The following FAM135B variants were observed in gnomAD, a reference collection of about 807,000 sequenced individuals.
The protein encoded by FAM135B is family with sequence similarity 135 member B.
FAM135B carries 43 observed loss-of-function variants against 127.7 expected under a neutral mutation model. The observed-to-expected ratio is 0.34, with a 90% confidence interval of 0.26 to 0.43. The LOEUF is 0.43. Ranked by LOEUF, FAM135B falls within the 20% of genes least tolerant of loss-of-function variation. FAM135B has a pLI of 1.00. For missense variants in FAM135B, 1,558 were observed against 1,725.6 expected (o/e 0.90, Z 1.72); for synonymous variants, 670 against 665.1 (o/e 1.01, Z -0.11).
chr8:138,385,083 C>T (rs1012414215), intron 1 of FAM135B, among the ~76,000 whole-genome samples: 1 of 152,210 alleles, frequency 6.6e-6, no homozygotes, highest in Admixed American at 6.5e-5. Flanking sequence ...CTGCTCCTCA[C>T]TCCGTTTCCC....
intron 1 of FAM135B, chr8:138,477,355 C>T (rs1190994227): frequency 2.6e-5 from 4 of 152,204 alleles, no homozygotes; most frequent in Non-Finnish European, 4.4e-5. Context: ...CCTTCAAGCT[C>T]AGCCGCAGAG....
At chr8:138,398,016 G>A (rs1021268966) in intron 1 of FAM135B, among the ~76,000 whole-genome samples, 4 of 152,174 alleles carry the variant, frequency 2.6e-5, no homozygotes, top group Non-Finnish European at 5.9e-5. Flanking sequence ...CCAGGGCAGC[G>A]GGAGCTCTCC....
intron 1 of FAM135B, among the ~76,000 whole-genome samples, chr8:138,406,736 A>G (rs1223824117): frequency 6.6e-6 from 1 of 151,214 alleles, no homozygotes; most frequent in Non-Finnish European, 1.5e-5. Context: ...CTCTCAATAA[A>G]TTAGGTATTG....
At chr8:138,142,558 C>A (rs1307611674) in intron 16 of FAM135B, among the ~76,000 whole-genome samples, 1 of 152,016 alleles carries the variant, frequency 6.6e-6, no homozygotes, top group African/African-American at 2.4e-5. Flanking sequence ...CCCGCCTCAG[C>A]CTCCCAAAGT....
At chr8:138,342,882 C>A (rs185213390) in intron 2 of FAM135B, among the ~76,000 whole-genome samples, 9 of 152,150 alleles carry the variant, frequency 5.9e-5, no homozygotes, top group Non-Finnish European at 1.3e-4. Context: ...CTATGCATAC[C>A]CAAACACGTG....
At chr8:138,373,942 A>G (rs1277934165) in intron 1 of FAM135B, among the ~76,000 whole-genome samples, 1 of 152,070 alleles carries the variant, frequency 6.6e-6, no homozygotes, top group African/African-American at 2.4e-5. Context: ...TAGCAATTTT[A>G]ATTTCACCCC....
At chr8:138,461,997 A>G (rs1837150277) in intron 1 of FAM135B, among the ~76,000 whole-genome samples, 2 of 152,130 alleles carry the variant, frequency 1.3e-5, no homozygotes, top group Non-Finnish European at 2.9e-5. Context: ...ACTCAACTCT[A>G]TGACCAGCTG....
At chr8:138,163,463 T>G (rs1267557445) in intron 12 of FAM135B, among the ~76,000 whole-genome samples, 1 of 152,148 alleles carries the variant, frequency 6.6e-6, no homozygotes, top group Non-Finnish European at 1.5e-5. Context: ...GCAGCTCCCT[T>G]AATTCCCATA....
At chr8:138,162,872 T>A (rs574381537) in intron 12 of FAM135B, among the ~76,000 whole-genome samples, 1 of 152,250 alleles carries the variant, frequency 6.6e-6, no homozygotes, top group East Asian at 1.9e-4. Flanking sequence ...CTTGTATAAA[T>A]GAGTCATCTG....
rs189943117 is a variant in FAM135B, at chr8:138,243,527, G to T, written c.543-459C>A. On this transcript the variant is annotated intron_variant, in intron 6 of 19. Transcript: ENST00000395297. The surrounding 1 kb of genome is among the most constrained non-coding windows in gnomAD (Gnocchi z 7.5). ...CATAAAACATCTTCCTCCATGATCCGCATGAGAGTCTAATACGATGTCAAA... is the reference window on the plus strand; with the variant it reads ...CATAAAACATCTTCCTCCATGATCCTCATGAGAGTCTAATACGATGTCAAA... 6.6e-6 allele frequency among the ~76,000 whole-genome samples: 1 copy of T among 152,106 alleles called. No individual in the cohort carries two copies. The highest frequency in any genetic ancestry group is 2.4e-5 in the African/African-American group (1 of 41,410).
intron 1 of FAM135B, among the ~76,000 whole-genome samples, chr8:138,415,826 C>T (rs1335840759): frequency 6.6e-6 from 1 of 152,156 alleles, no homozygotes; most frequent in Non-Finnish European, 1.5e-5. Context: ...CTTCACATCC[C>T]CATAGGCCCA....
chr8:138,140,758 T>A (rs1383183228), intron 17 of FAM135B, among the ~76,000 whole-genome samples: 2 of 152,042 alleles, frequency 1.3e-5, no homozygotes, highest in Non-Finnish European at 2.9e-5. Flanking sequence ...CAAACACAGA[T>A]ACACACACAC....
chr8:138,198,876 A>G (rs1427844113), intron 7 of FAM135B, among the ~76,000 whole-genome samples: 1 of 152,196 alleles, frequency 6.6e-6, no homozygotes, highest in African/African-American at 2.4e-5. Flanking sequence ...AGGCCTGGGC[A>G]CAGAGATGGG....
rs575431663 is a variant in FAM135B at position 138,336,842 on chromosome 8, G to A, written c.78-25922C>T. On this transcript the variant is annotated intron_variant, in intron 2 of 19. Coordinates refer to ENST00000395297, the MANE Select transcript of FAM135B (RefSeq NM_015912.4). ...TAGACAAATATCCCTGATGAACATC[G>A]ATGCAAAAATCCTCAATAAAATACT... 5.3e-5 allele frequency among the ~76,000 whole-genome samples: 8 copies of A among 152,196 alleles called. No individual in the cohort carries two copies. In the South Asian group the frequency reaches 6.2e-4, roughly 12 times the overall value.
At chr8:138,315,079 T>C (rs1002463542) in intron 2 of FAM135B, among the ~76,000 whole-genome samples, 2 of 152,046 alleles carry the variant, frequency 1.3e-5, no homozygotes, top group Non-Finnish European at 2.9e-5. Flanking sequence ...AAGGGATTAG[T>C]ATTCAAAATG....
intron 3 of FAM135B, among the ~76,000 whole-genome samples, chr8:138,306,205 C>T (rs775028983): frequency 5.9e-5 from 9 of 152,024 alleles, no homozygotes; most frequent in East Asian, 1.9e-4. Flanking sequence ...GAGGCTGAGG[C>T]GGGCAGATCA....
At chr8:138,381,875 G>A (rs1050806135) in intron 1 of FAM135B, among the ~76,000 whole-genome samples, 5 of 152,146 alleles carry the variant, frequency 3.3e-5, no homozygotes, top group African/African-American at 1.2e-4. Flanking sequence ...AGTGTCGGGG[G>A]AAGGATGCAG....
intron 5 of FAM135B, among the ~76,000 whole-genome samples, chr8:138,252,741 A>G (rs1436017423): frequency 1.3e-5 from 2 of 152,134 alleles, no homozygotes; most frequent in Non-Finnish European, 2.9e-5. Flanking sequence ...CAAACAAAAA[A>G]CACACACAGA....
chr8:138,381,060 A>G (rs1277514997), intron 1 of FAM135B, among the ~76,000 whole-genome samples: 1 of 152,110 alleles, frequency 6.6e-6, no homozygotes, highest in African/African-American at 2.4e-5. Flanking sequence ...ATGACCTGAG[A>G]TATCCGGGTC....
Sources: gnomAD v4.1 joint callset for allele counts (sites outside exome capture counted in the v4.1 genomes callset) on GRCh38, gnomAD v4.1.1 for gene constraint, Gnocchi (gnomAD v3.1) non-coding constraint, MANE v1.5 for transcripts, NCBI Gene and HGNC (gene_info 2026-07-23, HGNC 2026-07-21) for gene names.